The following JPH3 variants were observed in gnomAD, a reference collection of about 807,000 sequenced individuals.
JPH3 encodes junctophilin-3.
JPH3 carries 11 observed loss-of-function variants against 59.6 expected under a neutral mutation model. That is an observed-to-expected ratio of 0.18 (90% CI 0.12 to 0.31). The LOEUF (loss-of-function observed/expected upper bound fraction) is 0.31, where lower values mean the gene tolerates loss of function less well. Among genes scored for constraint, JPH3 ranks in the 10% least tolerant of loss-of-function variants. The pLI is 1.00. For missense variants in JPH3, 1,202 were observed against 1,105.7 expected, an observed-to-expected ratio of 1.09 and a Z score of -1.24; for synonymous variants, 673 against 483.6, an observed-to-expected ratio of 1.39 and a Z score of -5.14.
intron 1 of JPH3, among the ~76,000 whole-genome samples, chr16:87,641,759 T>G (rs536490421): frequency 6.6e-6 from 1 of 152,368 alleles, no homozygotes; most frequent in South Asian, 2.1e-4. Flanking sequence ...GCAGCCTGAT[T>G]GGTGATCTTT....
At chr16:87,629,472 A>G (rs1401946842) in intron 1 of JPH3, among the ~76,000 whole-genome samples, 1 of 151,218 alleles carries the variant, frequency 6.6e-6, no homozygotes, top group East Asian at 2.0e-4. Flanking sequence ...TTTATTTGTA[A>G]TTGCCCAAAG....
intron 4 of JPH3, chr16:87,696,249 C>T (rs957396796): frequency 5.1e-5 from 23 of 452,384 alleles, no homozygotes; most frequent in African/African-American, 2.4e-4. Context: ...CGCACCGAGA[C>T]GTTTGCTTGC....
At position 87,604,330 on chromosome 16, in the gene JPH3, T is replaced by TGCTGC. The variant is rs749784732; in HGVS notation, c.382+802_382+803insGCTGC. The TGCTGC allele has an allele frequency of 1.8e-4, 207 of 1,136,978 alleles. 1 individual carries two copies. The African/African-American group carries it at 3.9e-3, about 22-fold the overall frequency. 70.4% of individuals were successfully genotyped at this position (1,136,978 alleles called of 1,614,324 possible). A position where few individuals can be genotyped will look rare whatever the true frequency, so the allele number is the denominator to read the frequency against. Reference sequence around the variant, plus strand: ...GCTGCTGCTGCTGCTGCTGCTGCTGTAAGATGGTTTCTGTGCAGGGAACCT... The same window carrying TGCTGC: ...GCTGCTGCTGCTGCTGCTGCTGCTGTGCTGCAAGATGGTTTCTGTGCAGGGAACCT... On this transcript the variant is annotated intron_variant, in intron 1 of 4. Coordinates refer to ENST00000284262, the MANE Select transcript of JPH3 (RefSeq NM_020655.4).
intron 2 of JPH3, among the ~76,000 whole-genome samples, chr16:87,662,284 G>A (rs926473551): frequency 2.2e-4 from 34 of 152,246 alleles, no homozygotes; most frequent in Admixed American, 3.9e-4. Flanking sequence ...TGAGGAACCC[G>A]GTGTACTCTG....
At chr16:87,619,273 A>G (rs2031083659) in intron 1 of JPH3, among the ~76,000 whole-genome samples, 1 of 150,870 alleles carries the variant, frequency 6.6e-6, no homozygotes, top group Admixed American at 6.6e-5. Flanking sequence ...TGATCACGCC[A>G]CTGCATTCCA....
chr16:87,620,271 C>T (rs950460775), intron 1 of JPH3, among the ~76,000 whole-genome samples: 28 of 150,838 alleles, frequency 1.9e-4, no homozygotes, highest in African/African-American at 6.9e-4. Context: ...TGGAAGAGTA[C>T]AGCAGAGGCC....
At chr16:87,651,567 C>T (rs572633063) in intron 2 of JPH3, among the ~76,000 whole-genome samples, 287 of 152,254 alleles carry the variant, frequency 1.9e-3, no homozygotes, top group Non-Finnish European at 3.2e-3. Flanking sequence ...CCCTCATGGA[C>T]GGCTTTAGGG....
At chr16:87,676,881 CA>C (rs1341854470) in intron 2 of JPH3, among the ~76,000 whole-genome samples, 2 of 151,624 alleles carry the variant, frequency 1.3e-5, no homozygotes, top group Non-Finnish European at 2.9e-5. Flanking sequence ...ACTAAAAATA[CA>C]AAAATTAGGC....
intron 2 of JPH3, among the ~76,000 whole-genome samples, chr16:87,657,681 A>T (rs531899943): frequency 6.6e-6 from 1 of 152,258 alleles, no homozygotes; most frequent in Non-Finnish European, 1.5e-5. Flanking sequence ...TTCTGTCTTG[A>T]GCCAGTCCAT....
In JPH3 at chr16:87,603,526, G is replaced by C. The variant is rs979616169; in HGVS notation, c.380G>C (p.Gly127Ala). Reference sequence around the variant, plus strand: ...TACGGGACCGAGACCTACTCGGACGGAGGTAGGTGCCGCGGGCCGGGCCGG... The same window carrying C: ...TACGGGACCGAGACCTACTCGGACGCAGGTAGGTGCCGCGGGCCGGGCCGG... ...DGYGTETYSD[G>A]GTYQGQWVGG... Residue 127 changes from glycine (G) to alanine (A), a missense_variant and splice_region_variant, in exon 1 of 5, where the codon GGA becomes GCA. Physicochemically the swap from Gly to Ala is moderately conservative, Grantham distance 60. Transcript: ENST00000284262. 1.6e-5 allele frequency: 24 copies of C among 1,547,998 alleles called. No individual in the cohort carries two copies. The highest frequency in any genetic ancestry group is 2.7e-5 in the African/African-American group (2 of 72,944).
chr16:87,677,185 T>TACACAC (rs764055221), intron 2 of JPH3, among the ~76,000 whole-genome samples: 49 of 95,184 alleles, frequency 5.1e-4, no homozygotes, highest in African/African-American at 7.5e-4. Context: ...TATATATATA[T>TACACAC]ACACACACAC....
At chr16:87,676,460 G>C (rs1345902857) in intron 2 of JPH3, among the ~76,000 whole-genome samples, 1 of 152,174 alleles carries the variant, frequency 6.6e-6, no homozygotes. Context: ...TTTAGCCGGG[G>C]TGCAGTGGTT....
intron 2 of JPH3, among the ~76,000 whole-genome samples, chr16:87,670,722 T>A (rs1057046535): frequency 6.6e-6 from 1 of 152,160 alleles, no homozygotes; most frequent in East Asian, 1.9e-4. Context: ...CGGAAGTACA[T>A]TGATGTGTCA....
intron 1 of JPH3, among the ~76,000 whole-genome samples, chr16:87,620,493 G>GAGAGAGAGGGAGAGAAGGAGAGGA (rs2031144794): frequency 1.5e-5 from 1 of 66,438 alleles, no homozygotes; most frequent in African/African-American, 4.5e-5. Context: ...GAGGGAGAGG[G>GAGAGAGAGGGAGAGAAGGAGAGGA]GGAGGGGAAG....
At chr16:87,640,212 C>T (rs537751395) in intron 1 of JPH3, among the ~76,000 whole-genome samples, 2 of 151,764 alleles carry the variant, frequency 1.3e-5, no homozygotes, top group South Asian at 2.1e-4. Flanking sequence ...GCCTGTAGTC[C>T]CAGCTACTCA....
rs138121939 is a variant in JPH3 at position 87,678,919 on chromosome 16, C to T, written c.1161-5223C>T. Among the ~76,000 whole-genome samples the T allele has an allele frequency of 2.0e-3, 308 of 152,352 alleles. 1 individual carries two copies. Among genetic ancestry groups the T allele is most frequent in the Middle Eastern group, 0.01 (3 of 294 alleles). ...GGATGGGAGGATTTTCTAAAGCCTT[C>T]CGATAGGGGTGTGACTTCTTGATTT... On this transcript the variant is annotated intron_variant, in intron 2 of 4. Coordinates refer to ENST00000284262, the MANE Select transcript of JPH3 (RefSeq NM_020655.4).
At chr16:87,630,535 T>G (rs2031533475) in intron 1 of JPH3, among the ~76,000 whole-genome samples, 1 of 152,238 alleles carries the variant, frequency 6.6e-6, no homozygotes, top group African/African-American at 2.4e-5. Context: ...CCTCTGAGCC[T>G]TAGTTTCTGT....
At chr16:87,693,024 CT>C (rs776188682) in intron 4 of JPH3, among the ~76,000 whole-genome samples, 1 of 152,242 alleles carries the variant, frequency 6.6e-6, no homozygotes, top group Admixed American at 6.5e-5. Context: ...CTTGGCTGTT[CT>C]CTGCCCCCTG....
At chr16:87,680,871 T>C (rs1278651683) in intron 2 of JPH3, among the ~76,000 whole-genome samples, 1 of 152,246 alleles carries the variant, frequency 6.6e-6, no homozygotes, top group Non-Finnish European at 1.5e-5. Context: ...TAAACACACG[T>C]ATGATGTTGG....
Sources: gnomAD v4.1 joint callset for allele counts (sites outside exome capture counted in the v4.1 genomes callset) on GRCh38, gnomAD v4.1.1 for gene constraint, MANE v1.5 for transcripts, NCBI Gene and HGNC (gene_info 2026-07-23, HGNC 2026-07-21) for gene names.